ADARB2: variants seen among roughly 807,000 people sequenced by gnomAD.
ADARB2 encodes the protein adenosine deaminase RNA specific B2 (inactive).
Under a neutral mutation model 62.2 loss-of-function variants are expected in ADARB2, and 25 were observed. The observed-to-expected ratio is 0.40, with a 90% CI of 0.29 to 0.56. The LOEUF is 0.56. ADARB2 is among the 20% of genes least tolerant of loss of function. The pLI is 0.43. For synonymous variants in ADARB2, 572 were observed against 500.8 expected (o/e 1.14, Z -1.90); for missense variants, 1,071 against 1,077.4 (o/e 0.99, Z 0.08).
intron 1 of ADARB2, among the ~76,000 whole-genome samples, chr10:1,664,120 G>A (rs890709087): frequency 5.3e-5 from 8 of 151,810 alleles, no homozygotes; most frequent in Non-Finnish European, 1.0e-4. Context: ...GTGTGTCCGC[G>A]TTTCCATGCC....
At chr10:1,514,303 G>A (rs568510825) in intron 1 of ADARB2, among the ~76,000 whole-genome samples, 6 of 151,246 alleles carry the variant, frequency 4.0e-5, no homozygotes, top group Admixed American at 4.0e-4. Flanking sequence ...GACGCTTTGG[G>A]ACAGTAGTCG....
chr10:1,631,520 A>G (rs535951491), intron 1 of ADARB2, among the ~76,000 whole-genome samples: 1 of 152,230 alleles, frequency 6.6e-6, no homozygotes, highest in Non-Finnish European at 1.5e-5. Flanking sequence ...AATGAACAGC[A>G]GTGCTTCCGT....
At chr10:1,514,590 G>GACATCCTGTC (rs1831985465) in intron 1 of ADARB2, among the ~76,000 whole-genome samples, 1 of 151,912 alleles carries the variant, frequency 6.6e-6, no homozygotes, top group Non-Finnish European at 1.5e-5. Flanking sequence ...GTCCTGCACA[G>GACATCCTGTC]CGGCCCCTGG....
intron 1 of ADARB2, among the ~76,000 whole-genome samples, chr10:1,736,391 G>T (rs1588371398): frequency 1.3e-5 from 2 of 152,202 alleles, no homozygotes; most frequent in African/African-American, 4.8e-5. Flanking sequence ...GTCAGTGGCC[G>T]CTGTCAGCCG....
intron 1 of ADARB2, among the ~76,000 whole-genome samples, chr10:1,461,120 C>T (rs376517977): frequency 1.3e-5 from 2 of 152,182 alleles, no homozygotes; most frequent in African/African-American, 4.8e-5. Flanking sequence ...ATCTGCTGCA[C>T]GCCAGGGACA....
intron 1 of ADARB2, among the ~76,000 whole-genome samples, chr10:1,494,907 C>T (rs556969953): frequency 1.2e-4 from 19 of 152,230 alleles, no homozygotes; most frequent in African/African-American, 4.3e-4. Flanking sequence ...TACAGTCTCT[C>T]CTACTTTGAA....
rs1245133002 is a variant in ADARB2 at position 1,737,386 on chromosome 10, C to A, written c.-236G>T. 5.9e-6 allele frequency: 3 copies of A among 511,194 alleles called. No individual in the cohort carries two copies. The highest frequency in any genetic ancestry group is 3.9e-5 in the African/African-American group (2 of 51,438). 31.7% of individuals were successfully genotyped at this position (511,194 alleles called of 1,614,324 possible). On this transcript the variant is annotated 5_prime_UTR_variant, in exon 1 of 10. Transcript: ENST00000381312. Reference sequence around the variant, plus strand: ...GCTGGGCGCCTGGAGCGAGCTGCTCCCTGGTCAGGGAGGGCGGGGAAGGGC... The same window carrying A: ...GCTGGGCGCCTGGAGCGAGCTGCTCACTGGTCAGGGAGGGCGGGGAAGGGC...
intron 8 of ADARB2, among the ~76,000 whole-genome samples, chr10:1,193,290 G>A (rs1473387389): frequency 2.0e-5 from 3 of 152,176 alleles, no homozygotes; most frequent in South Asian, 2.1e-4. Context: ...AGGTTCCCCC[G>A]AGGTTAAAGT....
At chr10:1,437,775 T>C (rs1830850310) in intron 1 of ADARB2, among the ~76,000 whole-genome samples, 1 of 152,120 alleles carries the variant, frequency 6.6e-6, no homozygotes, top group African/African-American at 2.4e-5. Flanking sequence ...GCGAAGCTTC[T>C]TTGGAGGTGA....
At chr10:1,505,025 A>C (rs745430746) in intron 1 of ADARB2, among the ~76,000 whole-genome samples, 10 of 152,062 alleles carry the variant, frequency 6.6e-5, no homozygotes, top group East Asian at 3.9e-4. Context: ...AAACACACAG[A>C]CACAGCCACA....
At chr10:1,394,987 A>G (rs1832599330) in intron 1 of ADARB2, 1 of 453,968 alleles carries the variant, frequency 2.2e-6, no homozygotes, top group African/African-American at 2.0e-5. Context: ...TGGCACAATC[A>G]CAGCTCCCTG....
rs138995216 is a variant in ADARB2 at position 1,271,339 on chromosome 10, A to G, written c.1078-270T>C. On this transcript the variant is annotated intron_variant, in intron 3 of 9. Coordinates refer to ENST00000381312, the MANE Select transcript of ADARB2 (RefSeq NM_018702.4). Reference sequence around the variant, plus strand: ...AACCCTGAGCTCTGCCAACCTCCCCATGGAAACAGTGTCTACTTCCTCTCC... The same window carrying G: ...AACCCTGAGCTCTGCCAACCTCCCCGTGGAAACAGTGTCTACTTCCTCTCC... 2.0e-5 allele frequency among the ~76,000 whole-genome samples: 3 copies of G among 152,218 alleles called. No individual in the cohort carries two copies. In the East Asian group the frequency reaches 5.8e-4, roughly 29 times the overall value.
At chr10:1,199,215 C>CCG (rs1564217566) in intron 8 of ADARB2, among the ~76,000 whole-genome samples, 4 of 90,744 alleles carry the variant, frequency 4.4e-5, no homozygotes, top group African/African-American at 1.8e-4. Context: ...CGGAAACCCA[C>CCG]CCCCCCGCTT....
intron 1 of ADARB2, among the ~76,000 whole-genome samples, chr10:1,422,426 C>T (rs1832859674): frequency 6.6e-6 from 1 of 152,192 alleles, no homozygotes; most frequent in Non-Finnish European, 1.5e-5. Flanking sequence ...GAGACCGGGG[C>T]TGCAGGTGAG....
At chr10:1,422,765 T>C (rs949920055) in intron 1 of ADARB2, among the ~76,000 whole-genome samples, 2 of 152,216 alleles carry the variant, frequency 1.3e-5, no homozygotes, top group East Asian at 3.9e-4. Flanking sequence ...CTGTATACAC[T>C]GTGCAGACTG....
chr10:1,463,215 C>T (rs1831201524), intron 1 of ADARB2, among the ~76,000 whole-genome samples: 1 of 152,172 alleles, frequency 6.6e-6, no homozygotes, highest in African/African-American at 2.4e-5. Flanking sequence ...TGTGTGGGGG[C>T]AGATGCCTGT....
intron 1 of ADARB2, among the ~76,000 whole-genome samples, chr10:1,544,830 G>A (rs186853017): frequency 1.3e-5 from 2 of 152,050 alleles, no homozygotes; most frequent in Non-Finnish European, 2.9e-5. Flanking sequence ...GATATGTAAA[G>A]AGTATGTAAT....
At chr10:1,538,740 C>T (rs369213061) in intron 1 of ADARB2, among the ~76,000 whole-genome samples, 5 of 152,200 alleles carry the variant, frequency 3.3e-5, no homozygotes, top group African/African-American at 4.8e-5. Context: ...GTCACAACGT[C>T]GGGGCCATGG....
intron 1 of ADARB2, among the ~76,000 whole-genome samples, chr10:1,618,292 C>T (rs1337136014): frequency 1.3e-5 from 2 of 152,168 alleles, no homozygotes; most frequent in African/African-American, 4.8e-5. Flanking sequence ...AACCTCTTTA[C>T]TGCCATTCAA....
Sources: allele counts gnomAD v4.1 joint callset (sites outside exome capture counted in the v4.1 genomes callset), GRCh38; gene constraint gnomAD v4.1.1; transcripts MANE v1.5; gene names NCBI Gene and HGNC (gene_info 2026-07-23, HGNC 2026-07-21).